Variants in BPIFB3 observed in about 807,000 individuals in gnomAD.
BPIFB3 encodes the protein BPI fold-containing family B member 3.
BPIFB3 carries 49 observed loss-of-function variants against 53.1 expected under a neutral mutation model. That is an observed-to-expected ratio of 0.92 (90% CI 0.73 to 1.17). The LOEUF (loss-of-function observed/expected upper bound fraction) is 1.17, where lower values mean the gene tolerates loss of function less well. Ranked by LOEUF, BPIFB3 falls within the 50% of genes most tolerant of loss-of-function variation. The probability of loss-of-function intolerance (pLI) is 0.00; values close to 1 mark genes in which losing one functional copy is unlikely to be tolerated. For missense variants in BPIFB3, 628 were observed against 592.5 expected (o/e 1.06, Z -0.62); for synonymous variants, 271 against 269.6 (o/e 1.01, Z -0.05).
intron 4 of BPIFB3, among the ~76,000 whole-genome samples, chr20:33,060,828 G>A (rs1274158032): frequency 6.6e-6 from 1 of 152,184 alleles, no homozygotes; most frequent in Non-Finnish European, 1.5e-5. Flanking sequence ...GCCTCACAAA[G>A]TGCTGGGATT....
intron 10 of BPIFB3, among the ~76,000 whole-genome samples, chr20:33,069,250 C>T (rs978487013): frequency 1.3e-5 from 2 of 152,170 alleles, no homozygotes; most frequent in Non-Finnish European, 2.9e-5. Context: ...TCCCCATCTC[C>T]CCAGCCTCTC....
chr20:33,066,709 T>A (rs547649609), intron 8 of BPIFB3, 115 bp from the exon 10 acceptor site: 1 of 915,172 alleles, frequency 1.1e-6, no homozygotes, highest in African/African-American at 1.6e-5. Flanking sequence ...TAGTGATATA[T>A]GTATGAAATT....
intron 12 of BPIFB3, 65 bp downstream of exon 13, chr20:33,071,360 G>A: frequency 6.6e-7 from 1 of 1,525,742 alleles, no homozygotes; most frequent in Admixed American, 2.0e-5. Flanking sequence ...CATGGAAAGG[G>A]GGTGGCCATG....
chr20:33,055,323 C>A, upstream of BPIFB3: 1 of 1,537,784 alleles, frequency 6.5e-7, no homozygotes, highest in South Asian at 1.2e-5. Flanking sequence ...TTGGGCTGTG[C>A]CAGGTGGGCA....
chr20:33,059,132 C>T (rs1026976864), intron 2 of BPIFB3, among the ~76,000 whole-genome samples: 38 of 152,078 alleles, frequency 2.5e-4, no homozygotes, highest in African/African-American at 8.7e-4. Context: ...GAGCACACAC[C>T]GTACCAGGTT....
chr20:33,059,240 T>C lies in BPIFB3; in HGVS notation c.282-138T>C, dbSNP rs552812247. 55 of 622,120 alleles carry C rather than the reference T, an allele frequency of 8.8e-5. No homozygotes were observed. In the East Asian group the frequency reaches 1.5e-3, roughly 17 times the overall value. The allele number at this position is 622,120 out of a possible 1,614,324, so 38.5% of individuals were successfully genotyped here. On this transcript the variant is annotated intron_variant, in intron 2 of 14. Coordinates refer to ENST00000375494, the Ensembl canonical transcript of BPIFB3. ...GATAAGGAAACTAGGCCCAGAGAGA[T>C]GAAGTGATGGGCCAAGGGCTCGCAG... is the stretch of plus-strand genomic sequence containing the variant.
intron 11 of BPIFB3, 113 bp from the exon 13 acceptor site, chr20:33,071,140 T>C (rs1980866955): frequency 8.9e-6 from 10 of 1,124,234 alleles, no homozygotes; most frequent in African/African-American, 6.4e-5. Flanking sequence ...AGGCAGAGTG[T>C]TGGGCTGGTA....
chr20:33,061,739 C>T (rs377728687), intron 4 of BPIFB3, 29 bp from the exon 6 acceptor site: 37 of 1,611,300 alleles, frequency 2.3e-5, no homozygotes, highest in African/African-American at 2.0e-4. Context: ...ACCTGGCAGC[C>T]GCACCCACAT....
chr20:33,067,408 G>T (rs1328191714), intron 9 of BPIFB3, among the ~76,000 whole-genome samples: 1 of 152,220 alleles, frequency 6.6e-6, no homozygotes, highest in Non-Finnish European at 1.5e-5. Flanking sequence ...TCTACTACAA[G>T]GTCCTTATGT....
intron 14 of BPIFB3, among the ~76,000 whole-genome samples, chr20:33,073,277 A>G (rs1290766539): frequency 1.3e-5 from 2 of 152,344 alleles, no homozygotes; most frequent in South Asian, 4.1e-4. Context: ...TGGGCAGAGC[A>G]GAGAGTTCTG....
chr20:33,059,346 G>C lies in BPIFB3; in HGVS notation c.282-32G>C, dbSNP rs371685732. 1.0e-5 allele frequency: 16 copies of C among 1,550,278 alleles called. No homozygotes were observed. In the African/African-American group the frequency reaches 2.2e-4, roughly 21 times the overall value. On this transcript the variant is annotated intron_variant, in intron 2 of 14. Transcript: ENST00000375494. ...GCCGCCTGGGCTGGGATGTCTGGGA[G>C]TGAGCAACCCTCTCCCTGACTCCCA...
At chr20:33,062,661 G>A (rs761116731) in intron 5 of BPIFB3, among the ~76,000 whole-genome samples, 1 of 152,222 alleles carries the variant, frequency 6.6e-6, no homozygotes, top group Admixed American at 6.5e-5. Context: ...TTTTGAAAAC[G>A]AGCATTCATT....
chr20:33,071,944 A>AC (rs971023250), intron 12 of BPIFB3, among the ~76,000 whole-genome samples, 160 bp from the exon 14 acceptor site: 3 of 151,958 alleles, frequency 2.0e-5, no homozygotes, highest in African/African-American at 7.2e-5. Context: ...AGCCCAGGCC[A>AC]CCCCCAAGTG....
At chr20:33,056,869 G>A (rs1568992146) in intron 2 of BPIFB3, among the ~76,000 whole-genome samples, 171 bp downstream of exon 3, 1 of 152,196 alleles carries the variant, frequency 6.6e-6, no homozygotes, top group African/African-American at 2.4e-5. Context: ...GACAAGAACA[G>A]CAGAATGCCA....
In BPIFB3 at chr20:33,064,855, G is replaced by T. The variant is rs766278720; in HGVS notation, c.924+10G>T. The T allele has an allele frequency of 1.2e-5, 19 of 1,608,952 alleles. No homozygotes were observed. The highest frequency in any genetic ancestry group is 1.7e-4 in the Middle Eastern group (1 of 5,990). On this transcript the variant is annotated intron_variant, in intron 8 of 14. Coordinates refer to ENST00000375494, the Ensembl canonical transcript of BPIFB3. ...CATCACCCCTGAGCTGGTGAGTGTG[G>T]TGCCCGGGGGATGGGGATGGGGGCT...
intron 10 of BPIFB3, 39 bp downstream of exon 11, chr20:33,069,012 G>T: frequency 1.9e-6 from 3 of 1,591,636 alleles, no homozygotes; most frequent in Non-Finnish European, 2.6e-6. Flanking sequence ...CGGCATTGGG[G>T]TTCCAAATGG....
rs1316271919 is a variant in BPIFB3 at position 33,072,747 on chromosome 20, AG to A, written c.1357del (p.Val453PhefsTer14). The A allele has an allele frequency of 3.7e-6, 6 of 1,613,648 alleles. No individual in the cohort carries two copies. Among genetic ancestry groups the A allele is most frequent in the Middle Eastern group, 3.3e-4 (2 of 6,084 alleles). The stretch of plus-strand genomic sequence containing the variant: ...CTGGATGTTGGAATTCCCCTGCCTA[AG>A]GTTCTTAATATCAATTTTTCCAATT... On this transcript the variant is annotated frameshift_variant, in exon 14 of 15. Coordinates refer to ENST00000375494, the Ensembl canonical transcript of BPIFB3. LOFTEE classifies it high-confidence loss of function.
rs1009702114 is a variant in BPIFB3 at position 33,060,143 on chromosome 20, T to C, written c.527+112T>C. 3 of 1,402,264 alleles carry C rather than the reference T, an allele frequency of 2.1e-6. No homozygotes were observed. The Admixed American group carries it at 6.5e-5, about 30-fold the overall frequency. 86.9% of individuals were successfully genotyped at this position (1,402,264 alleles called of 1,614,324 possible). On this transcript the variant is annotated intron_variant, in intron 4 of 14. Coordinates refer to ENST00000375494, the Ensembl canonical transcript of BPIFB3. Reference sequence around the variant, plus strand: ...TGCCAGCTGCGGGGGCCTGAACTCGTCCTACCCCTGCTTGTCCCGCCGGTT... The same window carrying C: ...TGCCAGCTGCGGGGGCCTGAACTCGCCCTACCCCTGCTTGTCCCGCCGGTT...
chr20:33,063,271 G>C (rs1980527103), intron 5 of BPIFB3, among the ~76,000 whole-genome samples: 1 of 152,160 alleles, frequency 6.6e-6, no homozygotes, highest in African/African-American at 2.4e-5. Context: ...TGACTTTATG[G>C]GGAACCAAAG....
Sources: allele counts gnomAD v4.1 joint callset (sites outside exome capture counted in the v4.1 genomes callset), GRCh38; gene constraint gnomAD v4.1.1; transcripts MANE v1.5; gene names NCBI Gene and HGNC (gene_info 2026-07-23, HGNC 2026-07-21).